EYS: variants seen among roughly 807,000 people sequenced by gnomAD.
EYS encodes EGF-like photoreceptor maintenance factor.
In EYS, 250 loss-of-function variants were observed where a neutral mutation model predicts 282.1. The ratio of observed to expected loss-of-function variants is 0.89; its 90% CI spans 0.80 to 0.98. The LOEUF (loss-of-function observed/expected upper bound fraction) is 0.98, where lower values mean the gene tolerates loss of function less well. EYS is among the 50% of genes least tolerant of loss of function. The probability of loss-of-function intolerance (pLI) is 0.00; values close to 1 mark genes in which losing one functional copy is unlikely to be tolerated. For synonymous variants in EYS, 1,355 were observed against 1,282.9 expected (o/e 1.06, Z -1.20); for missense variants, 4,016 against 3,709.0 (o/e 1.08, Z -2.15).
intron 11 of EYS, chr6:65,330,725 T>G (rs902935825): frequency 1.1e-6 from 1 of 950,084 alleles, no homozygotes; most frequent in African/African-American, 1.8e-5. Context: ...CCTTATAAAT[T>G]GAGTTTAATT....
At chr6:64,662,249 G>T (rs1482823189) in intron 22 of EYS, among the ~76,000 whole-genome samples, 1 of 108,258 alleles carries the variant, frequency 9.2e-6, no homozygotes, top group Non-Finnish European at 1.8e-5. Context: ...GGGGGGAGGG[G>T]GGAGGGATAG....
chr6:64,540,118 C>A (rs1248224035), intron 26 of EYS, among the ~76,000 whole-genome samples: 1 of 152,160 alleles, frequency 6.6e-6, no homozygotes. Context: ...CAGGCAAAAT[C>A]TTTTCCAGAT....
intron 30 of EYS, among the ~76,000 whole-genome samples, chr6:64,237,762 ATAAT>A (rs948790943): frequency 3.9e-5 from 6 of 152,216 alleles, no homozygotes; most frequent in African/African-American, 1.4e-4. Context: ...AACTTTGAAA[ATAAT>A]TAATCATTGC....
intron 31 of EYS, among the ~76,000 whole-genome samples, chr6:64,124,974 T>C (rs994514561): frequency 6.6e-6 from 1 of 152,154 alleles, no homozygotes; most frequent in African/African-American, 2.4e-5. Flanking sequence ...TAGTCCCGTA[T>C]AAAAATTCCT....
At chr6:65,623,926 C>T (rs1766610142) in intron 2 of EYS, among the ~76,000 whole-genome samples, 1 of 152,128 alleles carries the variant, frequency 6.6e-6, no homozygotes, top group African/African-American at 2.4e-5. Context: ...AGGGAGTAAT[C>T]ACATGGAAGA....
In EYS at chr6:64,897,144, A is replaced by G. The variant is rs553471035; in HGVS notation, c.2846+4969T>C. Among the ~76,000 whole-genome samples the G allele has an allele frequency of 2.9e-4, 44 of 152,250 alleles. 1 individual carries two copies. The South Asian group carries it at 7.9e-3, about 27-fold the overall frequency. On this transcript the variant is annotated intron_variant, in intron 18 of 42. Transcript: ENST00000503581. The stretch of plus-strand genomic sequence containing the variant: ...TGCCTCAAGTGGGTCCAGGGCTCCC[A>G]TATCTCCTGACTGGGAGACAACTCC...
At position 64,126,648 on chromosome 6, in the gene EYS, C is replaced by T. The variant is rs553615256; in HGVS notation, c.6425-44646G>A. ...CTATCAGCTTCTTCACACTTCTCCT[C>T]CTTAACTGCTTATCTTTCAAAGAGC... On this transcript the variant is annotated intron_variant, in intron 31 of 42. Coordinates refer to ENST00000503581, the MANE Select transcript of EYS (RefSeq NM_001142800.2). 2.6e-5 allele frequency among the ~76,000 whole-genome samples: 4 copies of T among 152,258 alleles called. No homozygotes were observed. In the South Asian group the frequency reaches 6.2e-4, roughly 24 times the overall value.
chr6:65,183,570 A>G (rs1281208730), intron 12 of EYS, among the ~76,000 whole-genome samples: 1 of 151,796 alleles, frequency 6.6e-6, no homozygotes, highest in African/African-American at 2.4e-5. Context: ...TTCTTCCTTA[A>G]TTACTTTATC....
chr6:65,685,495 A>G (rs1768984680), intron 1 of EYS, among the ~76,000 whole-genome samples: 1 of 152,072 alleles, frequency 6.6e-6, no homozygotes, highest in Admixed American at 6.6e-5. Context: ...AGATAGACTT[A>G]AGGTTCAGCA....
chr6:63,796,121 C>T (rs575592425), intron 37 of EYS, among the ~76,000 whole-genome samples: 13 of 152,138 alleles, frequency 8.5e-5, no homozygotes, highest in African/African-American at 1.4e-4. Context: ...GAGAGACTTT[C>T]GAGGCACACC....
intron 5 of EYS, among the ~76,000 whole-genome samples, chr6:65,429,771 C>T (rs1182249670): frequency 1.3e-5 from 2 of 151,176 alleles, no homozygotes; most frequent in South Asian, 2.1e-4. Flanking sequence ...AAAACAGATA[C>T]ACAAATAATT....
intron 36 of EYS, among the ~76,000 whole-genome samples, chr6:63,846,485 T>G (rs1380811367): frequency 1.3e-5 from 2 of 152,158 alleles, no homozygotes; most frequent in Non-Finnish European, 2.9e-5. Context: ...AAAGATGAGA[T>G]TCAAAAATAC....
chr6:64,266,921 A>C (rs72882112), intron 30 of EYS, among the ~76,000 whole-genome samples: 271 of 152,310 alleles, frequency 1.8e-3, no homozygotes, highest in Middle Eastern at 3.4e-3. Flanking sequence ...TAAAGCTATC[A>C]TAAAAATACC....
At chr6:65,173,105 C>T (rs1206779833) in intron 12 of EYS, among the ~76,000 whole-genome samples, 1 of 151,378 alleles carries the variant, frequency 6.6e-6, no homozygotes, top group Non-Finnish European at 1.5e-5. Flanking sequence ...TGTCTGGATT[C>T]TGGCAGCAGA....
intron 11 of EYS, among the ~76,000 whole-genome samples, chr6:65,316,078 A>G (rs1413955029): frequency 6.6e-6 from 1 of 152,130 alleles, no homozygotes; most frequent in Non-Finnish European, 1.5e-5. Flanking sequence ...TCTTTTTTCT[A>G]TTGCATTATT....
At chr6:65,188,462 A>T (rs910221782) in intron 12 of EYS, among the ~76,000 whole-genome samples, 1 of 151,714 alleles carries the variant, frequency 6.6e-6, no homozygotes, top group Non-Finnish European at 1.5e-5. Context: ...GATTCATGGT[A>T]GCTTAAATTT....
chr6:65,136,611 AT>A lies in EYS; in HGVS notation c.2024-78885del, dbSNP rs1413762097. On this transcript the variant is annotated intron_variant, in intron 12 of 42. Transcript: ENST00000503581. ...TGAATTTCTAACATAAATAATGAAG[AT>A]TAAATATCCTATGCACTCACACATA... 1.8e-4 allele frequency among the ~76,000 whole-genome samples: 27 copies of A among 152,270 alleles called. 1 individual carries two copies. Among genetic ancestry groups the A allele is most frequent in the Admixed American group, 4.6e-4 (7 of 15,264 alleles).
At chr6:65,669,260 A>T (rs1412114611) in intron 1 of EYS, among the ~76,000 whole-genome samples, 2 of 151,980 alleles carry the variant, frequency 1.3e-5, no homozygotes, top group African/African-American at 4.8e-5. Context: ...GAATCCTCAT[A>T]TATAAACAAA....
intron 2 of EYS, among the ~76,000 whole-genome samples, chr6:65,545,463 A>T (rs973314677): frequency 1.1e-4 from 16 of 152,110 alleles, no homozygotes; most frequent in African/African-American, 3.9e-4. Context: ...TCAAAATTGA[A>T]TTTTGTTTTA....
Sources: allele counts gnomAD v4.1 joint callset (sites outside exome capture counted in the v4.1 genomes callset), GRCh38; gene constraint gnomAD v4.1.1; transcripts MANE v1.5; gene names NCBI Gene and HGNC (gene_info 2026-07-23, HGNC 2026-07-21).